MYO9B: variants seen among roughly 807,000 people sequenced by gnomAD.
MYO9B encodes the protein myosin IXB, also known as unconventional myosin-IXb.
In MYO9B, 71 loss-of-function variants were observed where a neutral mutation model predicts 229.5. The ratio of observed to expected loss-of-function variants is 0.31; its 90% CI spans 0.26 to 0.38. The LOEUF (loss-of-function observed/expected upper bound fraction) is 0.38, where lower values mean the gene tolerates loss of function less well. Among genes scored for constraint, MYO9B ranks in the 10% least tolerant of loss-of-function variants. The pLI, the probability that MYO9B is intolerant of heterozygous loss-of-function variation, is 1.00. For missense variants in MYO9B, 2,255 were observed against 2,920.5 expected, an observed-to-expected ratio of 0.77 and a Z score of 5.25; for synonymous variants, 1,185 against 1,235.8, an observed-to-expected ratio of 0.96 and a Z score of 0.86.
At chr19:17,211,475 A>G (rs532101277) in intron 38 of MYO9B, among the ~76,000 whole-genome samples, 172 bp from the exon 39 acceptor site, 31 of 152,042 alleles carry the variant, frequency 2.0e-4, no homozygotes, top group African/African-American at 7.2e-4. Context: ...GGGTCCGCCT[A>G]TGTTGCCCAG....
chr19:17,094,220 A>C (rs2057667275), intron 1 of MYO9B, among the ~76,000 whole-genome samples: 1 of 152,122 alleles, frequency 6.6e-6, no homozygotes. Context: ...TTTTTAGTAG[A>C]GACGGGATTT....
intron 15 of MYO9B, 71 bp from the exon 16 acceptor site, chr19:17,183,758 C>T: frequency 7.3e-7 from 1 of 1,364,530 alleles, no homozygotes. Flanking sequence ...CCAGGCGTGG[C>T]TTGCTGAACT....
At chr19:17,108,180 A>G (rs1044314981) in intron 2 of MYO9B, among the ~76,000 whole-genome samples, 7 of 152,168 alleles carry the variant, frequency 4.6e-5, no homozygotes, top group African/African-American at 4.8e-5. Flanking sequence ...TGCCAGGCCA[A>G]CCTGCTTGGG....
At chr19:17,121,464 T>TAG in intron 2 of MYO9B, among the ~76,000 whole-genome samples, 1 of 149,834 alleles carries the variant, frequency 6.7e-6, no homozygotes, top group Non-Finnish European at 1.5e-5. Flanking sequence ...TATATATATA[T>TAG]CCAAGAGCTG....
rs1314342358 is a variant in MYO9B at position 17,092,105 on chromosome 19, G to T, written c.-58-9555G>T. Among the ~76,000 whole-genome samples, 5 of 152,352 alleles carry T rather than the reference G, an allele frequency of 3.3e-5. No homozygotes were observed. In the South Asian group the frequency reaches 6.2e-4, roughly 19 times the overall value. The stretch of plus-strand genomic sequence containing the variant: ...TGAGCTAGCATCAGCCGTCCCCTCA[G>T]TGGGTGGCAGAGGCTGCCGGGAGCA... On this transcript the variant is annotated intron_variant, in intron 1 of 39. Coordinates refer to ENST00000682292, the MANE Select transcript of MYO9B (RefSeq NM_004145.4).
At position 17,212,657 on chromosome 19, in the gene MYO9B, T is replaced by G; in HGVS notation, c.*347T>G. On this transcript the variant is annotated 3_prime_UTR_variant, in exon 40 of 40. Coordinates refer to ENST00000682292, the MANE Select transcript of MYO9B (RefSeq NM_004145.4). The surrounding 1 kb of genome is among the most constrained non-coding windows in gnomAD (Gnocchi z 5.4). The stretch of plus-strand genomic sequence containing the variant: ...GTAACAGCCTTAATGGAAGACCAAA[T>G]GGTTTTTTATATGTGTATGTACAAA... The G allele has an allele frequency of 3.6e-6, 1 of 275,410 alleles. No homozygotes were observed. The highest frequency in any genetic ancestry group is 6.8e-6 in the Non-Finnish European group (1 of 147,634). The allele number at this position is 275,410 out of a possible 1,614,324, so 17.1% of individuals were successfully genotyped here. A position where few individuals can be genotyped will look rare whatever the true frequency, so the allele number is the denominator to read the frequency against.
intron 2 of MYO9B, among the ~76,000 whole-genome samples, chr19:17,107,909 C>CG (rs1016710976): frequency 6.6e-6 from 1 of 151,942 alleles, no homozygotes; most frequent in South Asian, 2.1e-4. Flanking sequence ...ATTTTGGGGG[C>CG]GGGGGGCTCA....
chr19:17,118,612 G>A (rs537822375), intron 2 of MYO9B, among the ~76,000 whole-genome samples: 77 of 152,080 alleles, frequency 5.1e-4, no homozygotes, highest in African/African-American at 1.7e-3. Context: ...CTCCCAAATA[G>A]CTGGGACTAC....
At chr19:17,140,029 G>A (rs1026656581) in intron 2 of MYO9B, among the ~76,000 whole-genome samples, 4 of 151,764 alleles carry the variant, frequency 2.6e-5, no homozygotes, top group African/African-American at 7.3e-5. Flanking sequence ...CAACAAGAGT[G>A]AAACTCTGTC....
Position 17,187,963 on chromosome 19 carries a change from T to C in MYO9B, c.2606T>C (p.Val869Ala). 6.3e-7 allele frequency: 1 copy of C among 1,596,932 alleles called. No homozygotes were observed. Among genetic ancestry groups the C allele is most frequent in the Non-Finnish European group, 8.5e-7 (1 of 1,171,914 alleles). ...KKELCFDDEL[V>A]LQQLRYTGML... ...GAGCTGTGCTTTGACGACGAGCTGG[T>C]CCTGCAGCAGCTGCGCTACACCGGC... Residue 869 changes from valine (V) to alanine (A), a missense_variant, in exon 19 of 40, where the codon GTC becomes GCC. By Grantham distance (64) the Val-to-Ala change is moderately conservative. Transcript: ENST00000682292.
chr19:17,181,123 T>G, intron 15 of MYO9B, 83 bp downstream of exon 15: 1 of 947,910 alleles, frequency 1.1e-6, no homozygotes, highest in Non-Finnish European at 1.6e-6. Context: ...CCTGCAGTCT[T>G]CCTAATTTGC....
At chr19:17,203,648 G>A (rs1287506218) in intron 30 of MYO9B, among the ~76,000 whole-genome samples, 1 of 147,276 alleles carries the variant, frequency 6.8e-6, no homozygotes, top group Non-Finnish European at 1.5e-5. Flanking sequence ...CCCCAGCCCA[G>A]CCACCAGGTC....
In MYO9B at chr19:17,186,475, G is replaced by A. The variant is rs116520063; in HGVS notation, c.2577+474G>A. 7.1e-3 allele frequency among the ~76,000 whole-genome samples: 1,085 copies of A among 152,192 alleles called. 10 individuals are homozygous for A. The highest frequency in any genetic ancestry group is 0.025 in the African/African-American group (1,021 of 41,498). ...CACTCCATCCCTGGGAGGACAGCTC[G>A]GGGACTTTGCCAGGGACTGAGCAGG... On this transcript the variant is annotated intron_variant, in intron 18 of 39. Coordinates refer to ENST00000682292, the MANE Select transcript of MYO9B (RefSeq NM_004145.4).
chr19:17,128,204 C>T (rs1174667157), intron 2 of MYO9B, among the ~76,000 whole-genome samples: 1 of 145,870 alleles, frequency 6.9e-6, no homozygotes, highest in Non-Finnish European at 1.5e-5. Flanking sequence ...TAGCAAGACC[C>T]TATCTATACT....
intron 1 of MYO9B, among the ~76,000 whole-genome samples, chr19:17,096,323 C>T (rs533393243): frequency 6.6e-6 from 1 of 152,214 alleles, no homozygotes; most frequent in South Asian, 2.1e-4. Context: ...TGCAGGGTCA[C>T]GTGCTAGGTA....
chr19:17,202,851 G>C lies in MYO9B; in HGVS notation c.4846G>C (p.Ala1616Pro), dbSNP rs1229961729. The change falls in exon 29 of 40, where the codon GCT (alanine) becomes CCT (proline). Residue 1616 changes from alanine to proline, a missense_variant. Physicochemically the swap from Ala to Pro is conservative, Grantham distance 27. Coordinates refer to ENST00000682292, the MANE Select transcript of MYO9B (RefSeq NM_004145.4). The stretch of plus-strand genomic sequence containing the variant: ...CTTGTGTTCCTCACAGCAGAGCAAA[G>C]CTCAGAAGAAGAAGCGGAAGCAGGA... ...NDFEPVKQSK[A>P]QKKKRKQERA... is the part of the protein sequence containing the mutation. 1.3e-6 allele frequency: 2 copies of C among 1,599,528 alleles called. No homozygotes were observed. The highest frequency in any genetic ancestry group is 2.3e-5 in the East Asian group (1 of 44,078).
chr19:17,149,099 T>C (rs1212672856), intron 3 of MYO9B, among the ~76,000 whole-genome samples: 2 of 152,086 alleles, frequency 1.3e-5, no homozygotes, highest in Non-Finnish European at 2.9e-5. Context: ...CTCAGCCTCC[T>C]GAGTAGCTGG....
chr19:17,174,413 G>A (rs372208889), intron 13 of MYO9B, among the ~76,000 whole-genome samples: 10 of 152,174 alleles, frequency 6.6e-5, no homozygotes, highest in Admixed American at 2.6e-4. Flanking sequence ...TGACGCAGAC[G>A]ATCGCTTGAG....
intron 15 of MYO9B, among the ~76,000 whole-genome samples, chr19:17,182,399 A>C (rs4808585): frequency 0.57 from 86,627 of 151,670 alleles, 27,823 homozygotes; most frequent in African/African-American, 0.85. Context: ...GAGCCTGTTT[A>C]AAACTTCTGT....
Sources: gnomAD v4.1 joint callset for allele counts (sites outside exome capture counted in the v4.1 genomes callset) on GRCh38, gnomAD v4.1.1 for gene constraint, Gnocchi (gnomAD v3.1) non-coding constraint, MANE v1.5 for transcripts, NCBI Gene and HGNC (gene_info 2026-07-23, HGNC 2026-07-21) for gene names.